The following MYORG variants were observed in gnomAD, a reference collection of about 807,000 sequenced individuals.
MYORG encodes the protein myogenesis regulating glycosidase.
A neutral mutation model predicts 49.8 loss-of-function variants in MYORG; 45 were observed. That is an observed-to-expected ratio of 0.90 (90% CI 0.71 to 1.16). The LOEUF (loss-of-function observed/expected upper bound fraction) is 1.16. MYORG is among the 50% of genes most tolerant of loss of function. The probability of loss-of-function intolerance (pLI) is 0.00; values close to 1 mark genes in which losing one functional copy is unlikely to be tolerated. For synonymous variants in MYORG, 552 were observed against 462.9 expected (o/e 1.19, Z -2.47); for missense variants, 1,110 against 1,026.5 (o/e 1.08, Z -1.11).
chr9:34,374,877 A>C (rs1820695630), intron 1 of MYORG, among the ~76,000 whole-genome samples: 1 of 143,778 alleles, frequency 7.0e-6, no homozygotes, highest in African/African-American at 2.5e-5. Flanking sequence ...ACTCCAGCCT[A>C]GGTGACAAAG....
At position 34,371,792 on chromosome 9, in the gene MYORG, G is replaced by T. The variant is rs367843215; in HGVS notation, c.1152C>A (p.Gly384=). 2 of 1,613,968 alleles carry T rather than the reference G, an allele frequency of 1.2e-6. No homozygotes were observed. Among genetic ancestry groups the T allele is most frequent in the South Asian group, 1.1e-5 (1 of 91,084 alleles). ...SDMFRRLRDA[G]FRVTLWVHPF... is the part of the protein sequence containing the mutation. ...GGTGCACCCAGAGCGTGACGCGGAA[G>T]CCGGCGTCGCGCAGGCGGCGGAACA... The change falls in exon 2 of 2, where the codon GGC becomes GGA. Residue 384 remains glycine, a synonymous_variant. Coordinates refer to ENST00000297625, the MANE Select transcript of MYORG (RefSeq NM_020702.5).
At position 34,372,709 on chromosome 9, in the gene MYORG, T is replaced by G; in HGVS notation, c.235A>C (p.Ser79Arg). The change falls in exon 2 of 2, where the codon AGC becomes CGC. Residue 79 changes from serine to arginine, a missense_variant. Physicochemically the swap from Ser to Arg is moderately radical, Grantham distance 110 (BLOSUM62 -1). Transcript: ENST00000297625. The part of the protein sequence containing the change: ...LAAVVAWCYY[S>R]VSLRKAERLR... ...CGCTCCGCCTTGCGTAGGGAGACGC[T>G]GTAGTAGCACCAGGCCACCACCGCG... The G allele has an allele frequency of 6.2e-7, 1 of 1,612,870 alleles. No homozygotes were observed. The highest frequency in any genetic ancestry group is 1.3e-5 in the African/African-American group (1 of 75,050).
Position 34,366,951 on chromosome 9 carries a change from T to C in MYORG, c.*3848A>G, listed in dbSNP as rs1327681868. On this transcript the variant is annotated 3_prime_UTR_variant, in exon 2 of 2. Coordinates refer to ENST00000297625, the MANE Select transcript of MYORG (RefSeq NM_020702.5). ...ATAAAGAAGGTAGAGGAGTGGTGTA[T>C]TAGTCTGTTTTCACACTGCTGATAA... 6.6e-6 allele frequency: 1 copy of C among 152,340 alleles called. No homozygotes were observed. The highest frequency in any genetic ancestry group is 1.5e-5 in the Non-Finnish European group (1 of 68,174). The allele number at this position is 152,340 out of a possible 1,614,324, so 9.4% of individuals were successfully genotyped here.
chr9:34,373,002 C>G lies in MYORG; in HGVS notation c.-59G>C. ...GCCATCTGACTGAGTTCATCTCAAC[C>G]TGCTCTGAAAGGAGGAGACAGAGAT... On this transcript the variant is annotated 5_prime_UTR_variant, in exon 2 of 2. Transcript: ENST00000297625. 4 of 1,570,180 alleles carry G rather than the reference C, an allele frequency of 2.5e-6. No individual in the cohort carries two copies. Among genetic ancestry groups the G allele is most frequent in the Non-Finnish European group, 3.5e-6 (4 of 1,152,626 alleles).
rs1588002670 is a variant in MYORG at position 34,370,706 on chromosome 9, G to A, written c.*93C>T. The A allele has an allele frequency of 7.0e-7, 1 of 1,422,496 alleles. No individual in the cohort carries two copies. Among genetic ancestry groups the A allele is most frequent in the Non-Finnish European group, 9.3e-7 (1 of 1,074,820 alleles). The allele number at this position is 1,422,496 out of a possible 1,614,324, so 88.1% of individuals were successfully genotyped here. On this transcript the variant is annotated 3_prime_UTR_variant, in exon 2 of 2. Coordinates refer to ENST00000297625, the MANE Select transcript of MYORG (RefSeq NM_020702.5). ...CACTTAATGGGTGGTATAGAGGTGG[G>A]AGGTTCCTGGGAGTACATGGTGCGG...
Position 34,372,343 on chromosome 9 carries a change from C to A in MYORG, c.601G>T (p.Asp201Tyr), listed in dbSNP as rs1192103178. 19 of 1,601,664 alleles carry A rather than the reference C, an allele frequency of 1.2e-5. No homozygotes were observed. The highest frequency in any genetic ancestry group is 1.6e-5 in the Non-Finnish European group (19 of 1,175,346). ...MRTQHWPIRL[D>Y]GQQEPQPFVT... ...AACGGCTGGGGCTCCTGCTGGCCAT[C>A]CAGGCGGATGGGCCAGTGTTGCGTC... Residue 201 changes from aspartate to tyrosine, a missense_variant, in exon 2 of 2, where the codon GAT (aspartate) becomes TAT (tyrosine). Physicochemically the swap from Asp to Tyr is radical, Grantham distance 160. Transcript: ENST00000297625.
At position 34,369,987 on chromosome 9, in the gene MYORG, G is replaced by C. The variant is rs1820561829; in HGVS notation, c.*812C>G. 6.6e-6 allele frequency: 1 copy of C among 152,442 alleles called. No individual in the cohort carries two copies. The highest frequency in any genetic ancestry group is 2.4e-5 in the African/African-American group (1 of 41,398). The allele number at this position is 152,442 out of a possible 1,614,324, so 9.4% of individuals were successfully genotyped here. On this transcript the variant is annotated 3_prime_UTR_variant, in exon 2 of 2. Coordinates refer to ENST00000297625, the MANE Select transcript of MYORG (RefSeq NM_020702.5). The stretch of plus-strand genomic sequence containing the variant: ...GGTTGTGTTCATTTCATAGATCAGG[G>C]ACCCATGATGCGTGTTTCTCTCTCT...
rs1820530597 is a variant in MYORG at position 34,368,273 on chromosome 9, C to A, written c.*2526G>T. ...ACTGCTGCAAAGGTCTCTGACATGC[C>A]CTGCAGACATTTTCCCCATGTCTTA... On this transcript the variant is annotated 3_prime_UTR_variant, in exon 2 of 2. Transcript: ENST00000297625. 6.6e-6 allele frequency: 1 copy of A among 152,210 alleles called. No individual in the cohort carries two copies. The highest frequency in any genetic ancestry group is 6.5e-5 in the Admixed American group (1 of 15,288). The allele number at this position is 152,210 out of a possible 1,614,324, so 9.4% of individuals were successfully genotyped here. A position where few individuals can be genotyped will look rare whatever the true frequency, so the allele number is the denominator to read the frequency against.
At chr9:34,374,517 C>T (rs1236303771) in intron 1 of MYORG, among the ~76,000 whole-genome samples, 1 of 152,070 alleles carries the variant, frequency 6.6e-6, no homozygotes, top group Non-Finnish European at 1.5e-5. Context: ...CAGCGCACCT[C>T]CTCCACCTAC....
In MYORG at chr9:34,372,457, A is replaced by G. The variant is rs1820637684; in HGVS notation, c.487T>C (p.Trp163Arg). Residue 163 changes from tryptophan to arginine, a missense_variant, in exon 2 of 2, where the codon TGG becomes CGG. Transcript: ENST00000297625. ...GCCCGGCCCGGCGCTGCCTCCTCCC[A>G]GCGCACGCGGTAGCACATGACCGTG... is the stretch of plus-strand genomic sequence containing the variant. ...KDTVMCYRVRWEEAAPGRAVE... is the reference protein window; with the variant it reads ...KDTVMCYRVRREEAAPGRAVE... 2 of 1,587,686 alleles carry G rather than the reference A, an allele frequency of 1.3e-6. No homozygotes were observed.
chr9:34,372,365 C>A lies in MYORG; in HGVS notation c.579G>T (p.Thr193=). 1.3e-6 allele frequency: 2 copies of A among 1,594,618 alleles called. No individual in the cohort carries two copies. The highest frequency in any genetic ancestry group is 1.7e-6 in the Non-Finnish European group (2 of 1,172,028). ...CATCCAGGCGGATGGGCCAGTGTTG[C>A]GTCCTCATCTCGGCGCCACCATACC... ...AHWYGGAEMR[T]QHWPIRLDGQ... Residue 193 remains threonine (T), a synonymous_variant, in exon 2 of 2, where the codon ACG becomes ACT. Transcript: ENST00000297625.
At position 34,370,111 on chromosome 9, in the gene MYORG, C is replaced by G. The variant is rs956626270; in HGVS notation, c.*688G>C. ...CTGTTCCCATCAGGCACATTTGGCC[C>G]AGGGCTGAGCCCATGTATGTACACA... On this transcript the variant is annotated 3_prime_UTR_variant, in exon 2 of 2. Transcript: ENST00000297625. 1.3e-5 allele frequency: 2 copies of G among 152,898 alleles called. No individual in the cohort carries two copies. The highest frequency in any genetic ancestry group is 1.3e-4 in the Admixed American group (2 of 15,304). The allele number at this position is 152,898 out of a possible 1,614,324, so 9.5% of individuals were successfully genotyped here.
Position 34,372,010 on chromosome 9 carries a change from C to A in MYORG, c.934G>T (p.Ala312Ser). 2 of 1,614,050 alleles carry A rather than the reference C, an allele frequency of 1.2e-6. No homozygotes were observed. Among genetic ancestry groups the A allele is most frequent in the Non-Finnish European group, 1.7e-6 (2 of 1,179,894 alleles). The change falls in exon 2 of 2, where the codon GCC (alanine) becomes TCC (serine). Residue 312 changes from alanine to serine, a missense_variant. Ala to Ser is a moderately conservative substitution (Grantham distance 99, BLOSUM62 1). Transcript: ENST00000297625. ...NKPSRVPAPE[A>S]FRDPIWSTWA... ...GTGGACCAAATGGGGTCTCGGAAGG[C>A]CTCGGGTGCTGGCACCCTTGACGGC...
Position 34,372,540 on chromosome 9 carries a change from G to T in MYORG, c.404C>A (p.Ser135Ter), listed in dbSNP as rs201924624. ...CAGCGGCAGCCCGTCGGCCGTGAGC[G>T]AGCAGCCCAGCAGGGCGCCATCGCG... ...CSRDGALLGC[S>*]LTADGLPLHF... The change falls in exon 2 of 2, where the codon TCG becomes TAG. Residue 135 changes from serine to a stop codon, truncating the protein, a stop_gained. Transcript: ENST00000297625. LOFTEE classifies it high-confidence loss of function. 5 of 1,601,174 alleles carry T rather than the reference G, an allele frequency of 3.1e-6. No individual in the cohort carries two copies. In the African/African-American group the frequency reaches 4.0e-5, roughly 13 times the overall value.
rs1321265379 is a variant in MYORG, at chr9:34,376,315, C to G, written c.-64+478G>C. Among the ~76,000 whole-genome samples, 2 of 152,240 alleles carry G rather than the reference C, an allele frequency of 1.3e-5. No individual in the cohort carries two copies. Among genetic ancestry groups the G allele is most frequent in the Non-Finnish European group, 2.9e-5 (2 of 68,044 alleles). On this transcript the variant is annotated intron_variant, in intron 1 of 1. Transcript: ENST00000297625. This position sits in a 1 kb window ranked among gnomAD's most constrained non-coding sequence, Gnocchi z 4.4. The stretch of plus-strand genomic sequence containing the variant: ...AGACCTCTGTAATCTGCCGCCTCCG[C>G]CAGGTGGAGTCTGGGCTCTGCCCCT...
rs1260673971 is a variant in MYORG at position 34,370,773 on chromosome 9, T to C, written c.*26A>G. On this transcript the variant is annotated 3_prime_UTR_variant, in exon 2 of 2. Coordinates refer to ENST00000297625, the MANE Select transcript of MYORG (RefSeq NM_020702.5). ...AAGGTCTGCATGAAGACTGGGGGCT[T>C]TGCGGTTACCGGGCCCTGGGCTGGG... The C allele has an allele frequency of 3.2e-6, 5 of 1,542,348 alleles. No individual in the cohort carries two copies. In the African/African-American group the frequency reaches 4.1e-5, roughly 13 times the overall value.
Position 34,376,497 on chromosome 9 carries a change from G to A in MYORG, c.-64+296C>T, listed in dbSNP as rs566863958. On this transcript the variant is annotated intron_variant, in intron 1 of 1. Transcript: ENST00000297625. The surrounding 1 kb of genome is among the most constrained non-coding windows in gnomAD (Gnocchi z 4.4). ...TCCCGGGGGGATGGAAATGTCAAAG[G>A]CAACTCGATCCGGCCCATCTCCCTC... Among the ~76,000 whole-genome samples, 1 of 152,190 alleles carries A rather than the reference G, an allele frequency of 6.6e-6. No homozygotes were observed. The highest frequency in any genetic ancestry group is 2.4e-5 in the African/African-American group (1 of 41,430).
Position 34,367,670 on chromosome 9 carries a change from AGGTG to A in MYORG, c.*3125_*3128del, listed in dbSNP as rs1820521089. ...CACATCCAGGTCACACTGATGCAGG[AGGTG>A]GGTTCCCATGGTCTTGGGCAGCTCC... is the stretch of plus-strand genomic sequence containing the variant. On this transcript the variant is annotated 3_prime_UTR_variant, in exon 2 of 2. Transcript: ENST00000297625. 6.6e-6 allele frequency: 1 copy of A among 152,178 alleles called. No individual in the cohort carries two copies. The highest frequency in any genetic ancestry group is 6.5e-5 in the Admixed American group (1 of 15,268). The allele number at this position is 152,178 out of a possible 1,614,324, so 9.4% of individuals were successfully genotyped here. A position where few individuals can be genotyped will look rare whatever the true frequency, so the allele number is the denominator to read the frequency against.
chr9:34,372,901 G>C lies in MYORG; in HGVS notation c.43C>G (p.Arg15Gly). ...TATGCGTAGCAGCCAGGCCGGCGGC[G>C]GCGGGGGTAGGCCTGGCTCTTCTCC... ...PQEKSQAYPR[R>G]RRPGCYAYRQ... The change falls in exon 2 of 2, where the codon CGC becomes GGC. Residue 15 changes from arginine (R) to glycine (G), a missense_variant. Transcript: ENST00000297625. The C allele has an allele frequency of 6.2e-7, 1 of 1,613,862 alleles. No individual in the cohort carries two copies. Among genetic ancestry groups the C allele is most frequent in the Non-Finnish European group, 8.5e-7 (1 of 1,179,884 alleles).
Sources: allele counts gnomAD v4.1 joint callset (sites outside exome capture counted in the v4.1 genomes callset), GRCh38; gene constraint gnomAD v4.1.1; non-coding constraint Gnocchi (gnomAD v3.1); transcripts MANE v1.5; gene names NCBI Gene and HGNC (gene_info 2026-07-23, HGNC 2026-07-21).